Variants in DPP10 observed in about 807,000 individuals in gnomAD.
DPP10 encodes inactive dipeptidyl peptidase 10.
Under a neutral mutation model 120.9 loss-of-function variants are expected in DPP10, and 33 were observed. That is an observed-to-expected ratio of 0.27 (90% CI 0.21 to 0.37). The LOEUF is 0.37. Among genes scored for constraint, DPP10 ranks in the 10% least tolerant of loss-of-function variants. The pLI is 1.00. For missense variants in DPP10, 816 were observed against 942.8 expected (o/e 0.87, Z 1.76); for synonymous variants, 337 against 326.1 (o/e 1.03, Z -0.36).
At chr2:115,736,058 G>A (rs6747369) in intron 8 of DPP10, among the ~76,000 whole-genome samples, 12,919 of 152,060 alleles carry the variant, frequency 0.085, 606 homozygotes, top group South Asian at 0.13. Flanking sequence ...GCCCACAATG[G>A]TGGGGAGAAA....
At chr2:115,047,835 C>G (rs574355315) in intron 1 of DPP10, among the ~76,000 whole-genome samples, 1 of 152,198 alleles carries the variant, frequency 6.6e-6, no homozygotes, top group Non-Finnish European at 1.5e-5. Context: ...CAATAAATTT[C>G]TTTCTTTTGA....
chr2:114,792,199 A>G (rs1683316925), intron 1 of DPP10, among the ~76,000 whole-genome samples: 1 of 152,224 alleles, frequency 6.6e-6, no homozygotes, highest in East Asian at 1.9e-4. Flanking sequence ...TCTTTAAGAT[A>G]GTGCATCGGT....
intron 1 of DPP10, among the ~76,000 whole-genome samples, chr2:114,465,330 C>T (rs189041508): frequency 6.6e-6 from 1 of 152,300 alleles, no homozygotes; most frequent in East Asian, 1.9e-4. Flanking sequence ...CCTTGTGCTC[C>T]ACATTTTCTT....
At chr2:115,520,456 T>TA (rs1171372533) in intron 4 of DPP10, among the ~76,000 whole-genome samples, 1 of 152,174 alleles carries the variant, frequency 6.6e-6, no homozygotes, top group East Asian at 1.9e-4. Context: ...CACTATCTGT[T>TA]AAAAATGTAC....
chr2:115,162,647 G>C (rs965368857), intron 1 of DPP10, among the ~76,000 whole-genome samples: 4 of 152,154 alleles, frequency 2.6e-5, no homozygotes, highest in African/African-American at 9.6e-5. Context: ...GTGGAGCCGG[G>C]AAGGCGCTGG....
intron 1 of DPP10, among the ~76,000 whole-genome samples, chr2:114,968,046 C>T (rs1699158326): frequency 1.3e-5 from 2 of 152,292 alleles, no homozygotes; most frequent in African/African-American, 4.8e-5. Context: ...TCCATACAGC[C>T]ACCCAAGGGA....
intron 8 of DPP10, among the ~76,000 whole-genome samples, chr2:115,737,976 G>T (rs1676780157): frequency 6.6e-6 from 1 of 152,130 alleles, no homozygotes; most frequent in South Asian, 2.1e-4. Flanking sequence ...AAGAAGATTT[G>T]TCAGAATTTT....
intron 5 of DPP10, among the ~76,000 whole-genome samples, chr2:115,565,300 T>C (rs571518714): frequency 3.0e-4 from 46 of 152,296 alleles, no homozygotes; most frequent in African/African-American, 1.1e-3. Flanking sequence ...TCTTTCACTA[T>C]GTTTTATGTA....
chr2:115,718,990 G>T (rs956093756), intron 7 of DPP10, among the ~76,000 whole-genome samples: 6 of 151,920 alleles, frequency 3.9e-5, no homozygotes, highest in African/African-American at 1.4e-4. Flanking sequence ...TGTCTCCTGT[G>T]GGTTCCAGTT....
intron 1 of DPP10, among the ~76,000 whole-genome samples, chr2:114,823,735 A>C (rs1460091303): frequency 2.0e-5 from 3 of 152,212 alleles, no homozygotes; most frequent in Non-Finnish European, 4.4e-5. Context: ...GGAAATTTGA[A>C]CAGTGGATGT....
intron 1 of DPP10, among the ~76,000 whole-genome samples, chr2:115,262,601 T>C (rs2059300035): frequency 6.6e-6 from 1 of 152,156 alleles, no homozygotes; most frequent in African/African-American, 2.4e-5. Flanking sequence ...TGGTCAATAA[T>C]TGATATAAAT....
At chr2:115,120,894 C>G (rs1482398514) in intron 1 of DPP10, among the ~76,000 whole-genome samples, 1 of 152,074 alleles carries the variant, frequency 6.6e-6, no homozygotes, top group African/African-American at 2.4e-5. Flanking sequence ...CCTTTATAAC[C>G]TTTGAATTAG....
intron 1 of DPP10, among the ~76,000 whole-genome samples, chr2:114,742,986 A>T (rs886712097): frequency 1.3e-5 from 2 of 152,204 alleles, no homozygotes; most frequent in African/African-American, 4.8e-5. Flanking sequence ...GAAGAAAAAA[A>T]TTTTAGTAAC....
intron 3 of DPP10, among the ~76,000 whole-genome samples, chr2:115,356,407 C>T (rs1812952): frequency 0.77 from 116,978 of 151,966 alleles, 45,315 homozygotes; most frequent in Non-Finnish European, 0.81. Context: ...ATTGATTTTG[C>T]ATCCTCAGAC....
At chr2:115,472,877 G>T (rs541619679) in intron 3 of DPP10, among the ~76,000 whole-genome samples, 3 of 152,128 alleles carry the variant, frequency 2.0e-5, no homozygotes, top group Non-Finnish European at 2.9e-5. Flanking sequence ...GATTCAAAAC[G>T]CTTGACAAAA....
intron 8 of DPP10, among the ~76,000 whole-genome samples, chr2:115,738,680 A>G (rs1242221498): frequency 2.6e-5 from 4 of 152,122 alleles, no homozygotes; most frequent in African/African-American, 7.2e-5. Context: ...TGGATTGTCT[A>G]TGCTCCAATT....
chr2:114,884,595 TG>T (rs1052983088), intron 1 of DPP10, among the ~76,000 whole-genome samples: 1 of 151,958 alleles, frequency 6.6e-6, no homozygotes, highest in Non-Finnish European at 1.5e-5. Context: ...GAGGAACAGG[TG>T]GTGTTTGGTT....
intron 3 of DPP10, among the ~76,000 whole-genome samples, chr2:115,486,889 G>A (rs1299182011): frequency 6.6e-6 from 1 of 152,054 alleles, no homozygotes; most frequent in Non-Finnish European, 1.5e-5. Flanking sequence ...TATCTAGCCT[G>A]AAAAAGGCTC....
rs527277661 is a variant in DPP10 at position 115,393,017 on chromosome 2, A to G, written c.271+49105A>G. On this transcript the variant is annotated intron_variant, in intron 3 of 25. Coordinates refer to ENST00000410059, the MANE Select transcript of DPP10 (RefSeq NM_020868.6). ...TTATATTATTTCTATTTATTTAAAA[A>G]GTATATGTGAATAGGCTGGGTGCGG... Among the ~76,000 whole-genome samples, 449 of 152,262 alleles carry G rather than the reference A, an allele frequency of 2.9e-3. 3 individuals carry two copies. Among genetic ancestry groups the G allele is most frequent in the South Asian group, 6.4e-3 (31 of 4,828 alleles).
Sources: allele counts gnomAD v4.1 joint callset (sites outside exome capture counted in the v4.1 genomes callset), GRCh38; gene constraint gnomAD v4.1.1; transcripts MANE v1.5; gene names NCBI Gene and HGNC (gene_info 2026-07-23, HGNC 2026-07-21).